DSCAM: variants seen among roughly 807,000 people sequenced by gnomAD.
The protein encoded by DSCAM is DS cell adhesion molecule.
Under a neutral mutation model 217.7 loss-of-function variants are expected in DSCAM, and 47 were observed. That is an observed-to-expected ratio of 0.22 (90% CI 0.17 to 0.28). The LOEUF (loss-of-function observed/expected upper bound fraction) is 0.28. Among genes scored for constraint, DSCAM ranks in the 10% least tolerant of loss-of-function variants. The pLI is 1.00. For synonymous variants in DSCAM, 1,056 were observed against 1,015.3 expected (o/e 1.04, Z -0.76); for missense variants, 2,080 against 2,618.3 (o/e 0.79, Z 4.49).
In DSCAM at chr21:40,519,388, G is replaced by A. The variant is rs180744028; in HGVS notation, c.509-150143C>T. 3.1e-3 allele frequency among the ~76,000 whole-genome samples: 472 copies of A among 152,296 alleles called. 2 individuals are homozygous for A. Among genetic ancestry groups the A allele is most frequent in the Admixed American group, 7.5e-3 (115 of 15,294 alleles). On this transcript the variant is annotated intron_variant, in intron 3 of 32. Transcript: ENST00000400454. ...ATTATTGTATCTGCCCAAAATTTGT[G>A]TTGAAATTCTTACCCACAAGGTAAT...
At chr21:40,387,363 C>A (rs2075096149) in intron 3 of DSCAM, among the ~76,000 whole-genome samples, 1 of 150,116 alleles carries the variant, frequency 6.7e-6, no homozygotes, top group Non-Finnish European at 1.5e-5. Context: ...AAGATTGGAC[C>A]TCCAAAAAAA....
rs191507377 is a variant in DSCAM, at chr21:40,522,751, G to C, written c.509-153506C>G. Among the ~76,000 whole-genome samples the C allele has an allele frequency of 3.9e-3, 592 of 152,300 alleles. 6 individuals carry two copies. The highest frequency in any genetic ancestry group is 4.8e-3 in the Non-Finnish European group (324 of 68,034). On this transcript the variant is annotated intron_variant, in intron 3 of 32. Coordinates refer to ENST00000400454, the MANE Select transcript of DSCAM (RefSeq NM_001389.5). Reference sequence around the variant, plus strand: ...GAGAATTTTCGTCAAGAGTTTTCGAGATTCAGATGCCAAATCTTCCTGTTT... The same window carrying C: ...GAGAATTTTCGTCAAGAGTTTTCGACATTCAGATGCCAAATCTTCCTGTTT...
intron 3 of DSCAM, among the ~76,000 whole-genome samples, chr21:40,443,589 G>C (rs935103000): frequency 1.3e-5 from 2 of 152,066 alleles, no homozygotes; most frequent in Non-Finnish European, 2.9e-5. Flanking sequence ...ATCATCACTT[G>C]TTATGTCCAA....
At chr21:40,525,987 C>T (rs1033407484) in intron 3 of DSCAM, among the ~76,000 whole-genome samples, 7 of 151,586 alleles carry the variant, frequency 4.6e-5, no homozygotes, top group Non-Finnish European at 1.5e-5. Context: ...TGGGACTGAA[C>T]CCCAGTTTCC....
At chr21:40,410,014 AAAAT>A (rs1248196993) in intron 3 of DSCAM, among the ~76,000 whole-genome samples, 1 of 152,228 alleles carries the variant, frequency 6.6e-6, no homozygotes, top group African/African-American at 2.4e-5. Context: ...TATATGGAGA[AAAAT>A]AAATCCATTT....
At chr21:40,771,212 T>G (rs1179969584) in intron 1 of DSCAM, among the ~76,000 whole-genome samples, 1 of 152,206 alleles carries the variant, frequency 6.6e-6, no homozygotes, top group East Asian at 1.9e-4. Flanking sequence ...GAGCTTTCAT[T>G]AGCATAGAAC....
intron 1 of DSCAM, among the ~76,000 whole-genome samples, chr21:40,719,783 C>T (rs1017207341): frequency 2.6e-5 from 4 of 151,956 alleles, no homozygotes; most frequent in African/African-American, 9.7e-5. Context: ...AAAGTTTGCC[C>T]GTGGGGGTGG....
chr21:40,420,830 C>T (rs770732712), intron 3 of DSCAM, among the ~76,000 whole-genome samples: 5 of 152,124 alleles, frequency 3.3e-5, no homozygotes, highest in African/African-American at 9.7e-5. Context: ...CCAGAAGCTA[C>T]GATCAAGGAA....
At chr21:40,432,160 G>T (rs1440313186) in intron 3 of DSCAM, among the ~76,000 whole-genome samples, 3 of 151,988 alleles carry the variant, frequency 2.0e-5, no homozygotes, top group African/African-American at 7.2e-5. Flanking sequence ...TCGTGCCATT[G>T]CACTTCAGTC....
intron 14 of DSCAM, among the ~76,000 whole-genome samples, chr21:40,185,577 G>A (rs1286424044): frequency 4.6e-5 from 7 of 152,238 alleles, no homozygotes; most frequent in African/African-American, 1.7e-4. Context: ...CCAGTGCGCA[G>A]CCAGTGAGAT....
chr21:40,220,102 G>T (rs916075191), intron 11 of DSCAM, among the ~76,000 whole-genome samples: 2 of 152,136 alleles, frequency 1.3e-5, no homozygotes, highest in Admixed American at 1.3e-4. Flanking sequence ...CTGTGTTATG[G>T]GAGCCTTAGC....
chr21:40,405,879 C>T (rs895270268), intron 3 of DSCAM, among the ~76,000 whole-genome samples: 4 of 152,028 alleles, frequency 2.6e-5, no homozygotes, highest in Non-Finnish European at 5.9e-5. Context: ...CACCTGTAAT[C>T]CCAGTTACTC....
chr21:40,369,757 T>C (rs1372011770), intron 3 of DSCAM, among the ~76,000 whole-genome samples: 1 of 152,174 alleles, frequency 6.6e-6, no homozygotes, highest in Non-Finnish European at 1.5e-5. Context: ...AGCAATAAAA[T>C]ATTCTACAAA....
chr21:40,559,853 C>T (rs1346769367), intron 3 of DSCAM, among the ~76,000 whole-genome samples: 3 of 144,764 alleles, frequency 2.1e-5, no homozygotes, highest in African/African-American at 5.2e-5. Flanking sequence ...AGTGCAGTGG[C>T]GCGATCTCGG....
At chr21:40,401,054 A>T (rs2075228916) in intron 3 of DSCAM, among the ~76,000 whole-genome samples, 1 of 152,222 alleles carries the variant, frequency 6.6e-6, no homozygotes, top group South Asian at 2.1e-4. Flanking sequence ...TGAATCAAAT[A>T]CTGTTGGTTA....
Position 40,331,932 on chromosome 21 carries a change from C to G in DSCAM, c.1783+6169G>C, listed in dbSNP as rs78683707. ...TGCTTTCCTGTCTATTTTTTTAAAT[C>G]CCCATGGTCTGAAGCCAGAATGGTG... On this transcript the variant is annotated intron_variant, in intron 8 of 32. Transcript: ENST00000400454. Among the ~76,000 whole-genome samples, 1,046 of 152,114 alleles carry G rather than the reference C, an allele frequency of 6.9e-3. 3 individuals are homozygous for G. Among genetic ancestry groups the G allele is most frequent in the Middle Eastern group, 0.037 (11 of 294 alleles).
At chr21:40,255,732 A>G (rs1247532233) in intron 11 of DSCAM, among the ~76,000 whole-genome samples, 1 of 152,226 alleles carries the variant, frequency 6.6e-6, no homozygotes, top group Non-Finnish European at 1.5e-5. Context: ...GCTAATTCTG[A>G]GATGTAAGTG....
chr21:40,220,592 C>T (rs2091281529), intron 11 of DSCAM, among the ~76,000 whole-genome samples: 2 of 152,182 alleles, frequency 1.3e-5, no homozygotes, highest in African/African-American at 4.8e-5. Context: ...GCAAACTCTG[C>T]TATGATAAAC....
chr21:40,340,948 GTGA>G (rs2074484441), intron 6 of DSCAM, among the ~76,000 whole-genome samples: 1 of 152,100 alleles, frequency 6.6e-6, no homozygotes, highest in Admixed American at 6.5e-5. Flanking sequence ...GGTCTTCATG[GTGA>G]TGGGGCTGTG....
Sources: allele counts gnomAD v4.1 joint callset (sites outside exome capture counted in the v4.1 genomes callset), GRCh38; gene constraint gnomAD v4.1.1; transcripts MANE v1.5; gene names NCBI Gene and HGNC (gene_info 2026-07-23, HGNC 2026-07-21).